Variants in GABRG2 observed in about 807,000 individuals in gnomAD.
The protein encoded by GABRG2 is gamma-aminobutyric acid type A receptor subunit gamma2, also known as gamma-aminobutyric acid receptor subunit gamma-2.
Under a neutral mutation model 56.4 loss-of-function variants are expected in GABRG2, and 16 were observed. That is an observed-to-expected ratio of 0.28 (90% CI 0.19 to 0.43). The LOEUF (loss-of-function observed/expected upper bound fraction) is 0.43, where lower values mean the gene tolerates loss of function less well. Ranked by LOEUF, GABRG2 falls within the 20% of genes least tolerant of loss-of-function variation. The pLI, the probability that GABRG2 is intolerant of heterozygous loss-of-function variation, is 1.00. For missense variants in GABRG2, 327 were observed against 582.7 expected (o/e 0.56, Z 4.52); for synonymous variants, 208 against 205.5 (o/e 1.01, Z -0.10).
intron 6 of GABRG2, among the ~76,000 whole-genome samples, chr5:162,141,390 G>T (rs995815073): frequency 1.3e-5 from 2 of 152,120 alleles, no homozygotes; most frequent in Non-Finnish European, 1.5e-5. Flanking sequence ...GATTTTTAGA[G>T]AATTTTATGT....
intron 1 of GABRG2, among the ~76,000 whole-genome samples, chr5:162,085,400 T>C (rs1759995250): frequency 6.6e-6 from 1 of 151,986 alleles, no homozygotes; most frequent in African/African-American, 2.4e-5. Context: ...TCCAGTTTAA[T>C]AATCATTTGT....
chr5:162,076,988 A>G (rs954866287), intron 1 of GABRG2, among the ~76,000 whole-genome samples: 16 of 152,242 alleles, frequency 1.1e-4, no homozygotes, highest in African/African-American at 3.6e-4. Context: ...TAAAGACATA[A>G]TATAGATTCA....
chr5:162,117,062 T>C (rs1383273941), intron 6 of GABRG2, among the ~76,000 whole-genome samples: 1 of 152,216 alleles, frequency 6.6e-6, no homozygotes, highest in African/African-American at 2.4e-5. Flanking sequence ...GAGATTGTTT[T>C]GGGTCAAGAC....
intron 6 of GABRG2, among the ~76,000 whole-genome samples, chr5:162,116,844 T>C (rs943150838): frequency 6.6e-6 from 1 of 152,032 alleles, no homozygotes; most frequent in South Asian, 2.1e-4. Flanking sequence ...ACAAAGACCT[T>C]AGGGAGGTTG....
chr5:162,127,628 A>G (rs1432326235), intron 6 of GABRG2, among the ~76,000 whole-genome samples: 1 of 151,956 alleles, frequency 6.6e-6, no homozygotes, highest in Non-Finnish European at 1.5e-5. Context: ...CCTATGCACC[A>G]TGATACCAAA....
chr5:162,145,125 A>G (rs1764860527), intron 7 of GABRG2, among the ~76,000 whole-genome samples: 1 of 152,218 alleles, frequency 6.6e-6, no homozygotes. Context: ...GCCACGGAAC[A>G]GTTAGGCCAT....
Position 162,109,420 on chromosome 5 carries a change from A to ATATTTATTTATTTATT in GABRG2, c.769+5405_769+5406insTTATTTATTTATTTAT, listed in dbSNP as rs1554098575. ...TATATATATATATATATATATATATATATTTATTTATATAAAATGAAAACA... is the reference window on the plus strand; with the variant it reads ...TATATATATATATATATATATATATATATTTATTTATTTATTTATTTATTTATATAAAATGAAAACA... On this transcript the variant is annotated intron_variant, in intron 6 of 9. Transcript: ENST00000639213. Among the ~76,000 whole-genome samples the ATATTTATTTATTTATT allele has an allele frequency of 4.8e-3, 559 of 116,080 alleles. 2 individuals are homozygous for ATATTTATTTATTTATT. The highest frequency in any genetic ancestry group is 8.0e-3 in the Non-Finnish European group (440 of 55,162). The allele number at this position is 116,080 out of a possible 152,430, so 76.2% of individuals were successfully genotyped here. A position where few individuals can be genotyped will look rare whatever the true frequency, so the allele number is the denominator to read the frequency against.
intron 6 of GABRG2, among the ~76,000 whole-genome samples, chr5:162,127,106 A>C (rs943910252): frequency 6.6e-6 from 1 of 152,004 alleles, no homozygotes; most frequent in African/African-American, 2.4e-5. Flanking sequence ...TAAAAGTCTT[A>C]AGTACAGACA....
intron 6 of GABRG2, among the ~76,000 whole-genome samples, chr5:162,135,471 C>A (rs532218101): frequency 6.6e-6 from 1 of 152,158 alleles, no homozygotes; most frequent in East Asian, 1.9e-4. Context: ...GGAATTCCCT[C>A]TATGTCCCAG....
At chr5:162,072,102 A>G (rs570941049) in intron 1 of GABRG2, among the ~76,000 whole-genome samples, 58 of 152,096 alleles carry the variant, frequency 3.8e-4, no homozygotes, top group African/African-American at 1.3e-3. Context: ...AGATCAGGTA[A>G]TTTCCTCAAA....
At chr5:162,119,038 A>G (rs1762812759) in intron 6 of GABRG2, among the ~76,000 whole-genome samples, 1 of 152,182 alleles carries the variant, frequency 6.6e-6, no homozygotes, top group Non-Finnish European at 1.5e-5. Flanking sequence ...TGCTGGACCC[A>G]GTTAAATGCA....
At chr5:162,071,095 A>G (rs746888504) in intron 1 of GABRG2, among the ~76,000 whole-genome samples, 4 of 151,736 alleles carry the variant, frequency 2.6e-5, no homozygotes, top group Non-Finnish European at 5.9e-5. Context: ...CACCAACATT[A>G]GTTATAAGAA....
intron 6 of GABRG2, among the ~76,000 whole-genome samples, chr5:162,139,951 G>T (rs1211504673): frequency 6.6e-6 from 1 of 152,088 alleles, no homozygotes; most frequent in Non-Finnish European, 1.5e-5. Flanking sequence ...AGAAAAAGAT[G>T]GATGTTAATA....
chr5:162,102,682 C>T (rs1761520685), intron 5 of GABRG2: 1 of 435,470 alleles, frequency 2.3e-6, no homozygotes. Context: ...AGGCACGCAC[C>T]ACCATACCCA....
At chr5:162,078,422 T>TTG in intron 1 of GABRG2, among the ~76,000 whole-genome samples, 1 of 131,774 alleles carries the variant, frequency 7.6e-6, no homozygotes, top group Admixed American at 8.2e-5. Context: ...TTTTTTTTTT[T>TTG]TTGAGACGGA....
rs1264248417 is a variant in GABRG2 at position 162,097,838 on chromosome 5, T to G, written c.528T>G (p.Gly176=). ...GGATGCTGAGAATTTGGAATGATGG[T>G]CGAGTGCTCTACACCCTAAGGTATT... is the stretch of plus-strand genomic sequence containing the variant. ...PNRMLRIWND[G]RVLYTLRLTI... The change falls in exon 4 of 10, where the codon GGT becomes GGG. Residue 176 remains glycine, a synonymous_variant. Transcript: ENST00000639213. 6.2e-7 allele frequency: 1 copy of G among 1,612,910 alleles called. No individual in the cohort carries two copies. The highest frequency in any genetic ancestry group is 1.7e-5 in the Admixed American group (1 of 59,864).
At chr5:162,108,422 T>A (rs1761991614) in intron 6 of GABRG2, among the ~76,000 whole-genome samples, 1 of 152,188 alleles carries the variant, frequency 6.6e-6, no homozygotes, top group Non-Finnish European at 1.5e-5. Context: ...AACTAACCAG[T>A]CTTACACTCA....
At chr5:162,118,239 C>G (rs990048682) in intron 6 of GABRG2, among the ~76,000 whole-genome samples, 3 of 132,400 alleles carry the variant, frequency 2.3e-5, no homozygotes, top group African/African-American at 5.9e-5. Flanking sequence ...GTGTGTGTGT[C>G]TGTAATAAAC....
At chr5:162,146,971 G>GAC (rs1188131852) in intron 7 of GABRG2, among the ~76,000 whole-genome samples, 1 of 152,100 alleles carries the variant, frequency 6.6e-6, no homozygotes, top group Non-Finnish European at 1.5e-5. Flanking sequence ...AAATGGCTCA[G>GAC]ACAAAGACTT....
Sources: allele counts gnomAD v4.1 joint callset (sites outside exome capture counted in the v4.1 genomes callset), GRCh38; gene constraint gnomAD v4.1.1; transcripts MANE v1.5; gene names NCBI Gene and HGNC (gene_info 2026-07-23, HGNC 2026-07-21).